The following MSH4 variants were observed in gnomAD, a reference collection of about 807,000 sequenced individuals.
The protein encoded by MSH4 is mutS protein homolog 4.
Under a neutral mutation model 113.7 loss-of-function variants are expected in MSH4, and 106 were observed. That is an observed-to-expected ratio of 0.93 (90% CI 0.80 to 1.10). MSH4 has a LOEUF of 1.10. Ranked by LOEUF, MSH4 falls within the 50% of genes least tolerant of loss-of-function variation. The pLI is 0.00. For missense variants in MSH4, 1,061 were observed against 1,093.7 expected, an observed-to-expected ratio of 0.97 and a Z score of 0.42; for synonymous variants, 368 against 380.2, an observed-to-expected ratio of 0.97 and a Z score of 0.37.
chr1:75,873,656 T>C (rs1651758005), intron 9 of MSH4, among the ~76,000 whole-genome samples: 1 of 152,088 alleles, frequency 6.6e-6, no homozygotes, highest in African/African-American at 2.4e-5. Flanking sequence ...AGTGAAAACA[T>C]GGGGTATTTG....
At chr1:75,900,263 G>A (rs948867887) in intron 19 of MSH4, among the ~76,000 whole-genome samples, 1 of 151,964 alleles carries the variant, frequency 6.6e-6, no homozygotes, top group African/African-American at 2.4e-5. Flanking sequence ...GAAAATTTTG[G>A]TTGCTTTATA....
chr1:75,891,629 T>C (rs1374119462), intron 17 of MSH4, among the ~76,000 whole-genome samples: 1 of 152,012 alleles, frequency 6.6e-6, no homozygotes, highest in Admixed American at 6.6e-5. Flanking sequence ...AATTTTTGTA[T>C]TTTTAGCTGT....
chr1:75,834,013 G>A (rs1285673937), intron 7 of MSH4, among the ~76,000 whole-genome samples: 1 of 152,128 alleles, frequency 6.6e-6, no homozygotes, highest in African/African-American at 2.4e-5. Flanking sequence ...CAGAATGGGA[G>A]AAAATTTTAC....
In MSH4 at chr1:75,883,661, A is replaced by C. The variant is rs760309374; in HGVS notation, c.1947A>C (p.Gly649=). 1 of 1,613,364 alleles carries C rather than the reference A, an allele frequency of 6.2e-7. No individual in the cohort carries two copies. The highest frequency in any genetic ancestry group is 1.1e-5 in the South Asian group (1 of 91,044). ...EFTDTLAIKQ[G]WHPILEKISA... ...CTGATACTTTAGCAATCAAACAGGG[A>C]TGGCATCCTATTCTTGAAAAAATAT... Residue 649 remains glycine (G), a synonymous_variant, in exon 15 of 20, where the codon GGA becomes GGC. Coordinates refer to ENST00000263187, the MANE Select transcript of MSH4 (RefSeq NM_002440.4).
At chr1:75,861,844 G>A (rs1651462428) in intron 8 of MSH4, among the ~76,000 whole-genome samples, 1 of 152,204 alleles carries the variant, frequency 6.6e-6, no homozygotes, top group Non-Finnish European at 1.5e-5. Flanking sequence ...GCTGCCTGCT[G>A]CCTTTTTTTC....
intron 17 of MSH4, among the ~76,000 whole-genome samples, chr1:75,891,838 A>G (rs994629089): frequency 6.6e-6 from 1 of 152,218 alleles, no homozygotes; most frequent in Non-Finnish European, 1.5e-5. Flanking sequence ...AATAAATAAT[A>G]TTAGTCTTTG....
At chr1:75,907,448 C>A (rs1249002089) in intron 19 of MSH4, among the ~76,000 whole-genome samples, 1 of 151,566 alleles carries the variant, frequency 6.6e-6, no homozygotes, top group Non-Finnish European at 1.5e-5. Context: ...TTGTCCTTGA[C>A]CTTTGAGAGT....
intron 7 of MSH4, among the ~76,000 whole-genome samples, chr1:75,836,295 TC>T (rs1301872486): frequency 2.8e-5 from 1 of 35,976 alleles, no homozygotes; most frequent in Non-Finnish European, 6.4e-5. Context: ...TCTTTTTCTT[TC>T]TTTTTCTTTT....
chr1:75,831,025 G>A (rs1478697686), intron 7 of MSH4, among the ~76,000 whole-genome samples: 1 of 152,178 alleles, frequency 6.6e-6, no homozygotes, highest in Non-Finnish European at 1.5e-5. Context: ...ACCCATCAAT[G>A]TGCTGTATTC....
intron 1 of MSH4, among the ~76,000 whole-genome samples, chr1:75,798,731 ATTTT>A (rs916536501): frequency 2.0e-5 from 3 of 151,118 alleles, no homozygotes; most frequent in African/African-American, 7.3e-5. Flanking sequence ...AATTTAAAAA[ATTTT>A]TTTGTAGAGA....
At chr1:75,820,974 C>G (rs1650395682) in intron 6 of MSH4, among the ~76,000 whole-genome samples, 1 of 151,574 alleles carries the variant, frequency 6.6e-6, no homozygotes, top group African/African-American at 2.4e-5. Flanking sequence ...TAACACCCCA[C>G]TGTCAACATT....
intron 19 of MSH4, among the ~76,000 whole-genome samples, chr1:75,904,852 CTTTCT>C (rs1430166725): frequency 1.3e-5 from 2 of 151,950 alleles, no homozygotes; most frequent in Non-Finnish European, 2.9e-5. Flanking sequence ...AAATTTCTTT[CTTTCT>C]TTTAAGTTTT....
At chr1:75,877,077 A>T (rs1334392323) in intron 10 of MSH4, 77 bp downstream of exon 10, 5 of 918,564 alleles carry the variant, frequency 5.4e-6, no homozygotes, top group African/African-American at 5.1e-5. Flanking sequence ...AAAGACTCTA[A>T]TTGTATTCTA....
chr1:75,883,849 C>A (rs5745485), intron 15 of MSH4, 28 bp downstream of exon 15: 57 of 1,572,470 alleles, frequency 3.6e-5, no homozygotes, highest in Non-Finnish European at 4.5e-5. Flanking sequence ...TTATAATGAC[C>A]AGTTTTACAC....
intron 8 of MSH4, among the ~76,000 whole-genome samples, chr1:75,849,345 A>T (rs1651139762): frequency 6.6e-6 from 1 of 152,210 alleles, no homozygotes; most frequent in Non-Finnish European, 1.5e-5. Context: ...AATAGCTTTC[A>T]TTCTTCCATT....
rs182347336 is a variant in MSH4, at chr1:75,801,024, G to A, written c.245-2707G>A. ...TGCTTTATTGAACAATGCAGGTATA[G>A]AGCTGAGAACGGTTTTTGCACTTTT... is the stretch of plus-strand genomic sequence containing the variant. On this transcript the variant is annotated intron_variant, in intron 1 of 19. Coordinates refer to ENST00000263187, the MANE Select transcript of MSH4 (RefSeq NM_002440.4). 2.9e-3 allele frequency among the ~76,000 whole-genome samples: 440 copies of A among 152,284 alleles called. 1 individual carries two copies. Among genetic ancestry groups the A allele is most frequent in the African/African-American group, 0.01 (425 of 41,558 alleles).
intron 17 of MSH4, among the ~76,000 whole-genome samples, chr1:75,894,233 C>T (rs1365673533): frequency 6.6e-6 from 1 of 152,118 alleles, no homozygotes; most frequent in Non-Finnish European, 1.5e-5. Context: ...CAAGTTGTGG[C>T]ACTCAGCCAC....
chr1:75,912,903 A>C lies in MSH4; in HGVS notation c.*16A>C. ...TGAAGAATAATCACAATTCTAATGT[A>C]ATAATATATCTTAATTCAAGGAACC... On this transcript the variant is annotated 3_prime_UTR_variant, in exon 20 of 20. Coordinates refer to ENST00000263187, the MANE Select transcript of MSH4 (RefSeq NM_002440.4). The C allele has an allele frequency of 5.6e-6, 8 of 1,424,694 alleles. No individual in the cohort carries two copies. Among genetic ancestry groups the C allele is most frequent in the Non-Finnish European group, 7.4e-6 (8 of 1,073,982 alleles). The allele number at this position is 1,424,694 out of a possible 1,614,324, so 88.3% of individuals were successfully genotyped here.
chr1:75,903,114 T>C (rs560800981), intron 19 of MSH4, among the ~76,000 whole-genome samples: 1 of 152,062 alleles, frequency 6.6e-6, no homozygotes, highest in Non-Finnish European at 1.5e-5. Flanking sequence ...CCAAAAAGTC[T>C]TTGCCCACAT....
Sources: gnomAD v4.1 joint callset for allele counts (sites outside exome capture counted in the v4.1 genomes callset) on GRCh38, gnomAD v4.1.1 for gene constraint, MANE v1.5 for transcripts, NCBI Gene and HGNC (gene_info 2026-07-23, HGNC 2026-07-21) for gene names.